Variants in CFAP43 observed in about 807,000 individuals in gnomAD.
CFAP43 encodes cilia and flagella associated protein 43, also known as cilia- and flagella-associated protein 43.
CFAP43 carries 155 observed loss-of-function variants against 218.9 expected under a neutral mutation model. That is an observed-to-expected ratio of 0.71 (90% CI 0.62 to 0.81). CFAP43 has a LOEUF of 0.81. CFAP43 is among the 30% of genes least tolerant of loss of function. CFAP43 has a pLI of 0.00. For synonymous variants in CFAP43, 645 were observed against 681.3 expected, an observed-to-expected ratio of 0.95 and a Z score of 0.83; for missense variants, 1,778 against 1,954.3, an observed-to-expected ratio of 0.91 and a Z score of 1.70.
chr10:104,175,682 T>C (rs1354666594), intron 19 of CFAP43, among the ~76,000 whole-genome samples: 1 of 152,126 alleles, frequency 6.6e-6, no homozygotes, highest in African/African-American at 2.4e-5. Context: ...CTGCCCAACA[T>C]TGTGAGAGAG....
intron 22 of CFAP43, 67 bp downstream of exon 22, chr10:104,167,554 C>A: frequency 2.4e-6 from 3 of 1,252,844 alleles, no homozygotes; most frequent in Non-Finnish European, 3.3e-6. Flanking sequence ...CAACTCAAAC[C>A]TGAACAAAGG....
intron 2 of CFAP43, among the ~76,000 whole-genome samples, chr10:104,228,289 T>C (rs1200269596): frequency 6.6e-6 from 1 of 152,194 alleles, no homozygotes; most frequent in Non-Finnish European, 1.5e-5. Context: ...TTTTTCTTCT[T>C]TCTTCCTCCT....
chr10:104,206,542 T>A (rs1376019723), intron 6 of CFAP43, among the ~76,000 whole-genome samples: 4 of 152,158 alleles, frequency 2.6e-5, no homozygotes, highest in Non-Finnish European at 5.9e-5. Flanking sequence ...GCAGAGCAGT[T>A]CTTGAGCTGG....
intron 7 of CFAP43, among the ~76,000 whole-genome samples, chr10:104,205,021 T>G (rs894687281): frequency 6.6e-6 from 1 of 152,112 alleles, no homozygotes; most frequent in African/African-American, 2.4e-5. Context: ...AAGACCATCC[T>G]GCATAACACG....
intron 37 of CFAP43, among the ~76,000 whole-genome samples, chr10:104,130,788 A>G (rs2087144174): frequency 6.6e-6 from 1 of 152,088 alleles, no homozygotes; most frequent in Non-Finnish European, 1.5e-5. Flanking sequence ...TCTTGAGCTC[A>G]GGAGTTCGAG....
Position 104,130,055 on chromosome 10 carries a change from TAAGA to T in CFAP43, c.*80_*83del. On this transcript the variant is annotated 3_prime_UTR_variant, in exon 38 of 38. Transcript: ENST00000357060. ...AGGACATGCTACTTCAATTTCCCAG[TAAGA>T]AAGAAAAGGAAATCATTTTACCCAA... is the stretch of plus-strand genomic sequence containing the variant. The T allele has an allele frequency of 1.4e-6, 2 of 1,443,710 alleles. No homozygotes were observed. Among genetic ancestry groups the T allele is most frequent in the East Asian group, 4.9e-5 (2 of 41,232 alleles). The allele number at this position is 1,443,710 out of a possible 1,614,324, so 89.4% of individuals were successfully genotyped here. A position where few individuals can be genotyped will look rare whatever the true frequency, so the allele number is the denominator to read the frequency against.
intron 24 of CFAP43, among the ~76,000 whole-genome samples, chr10:104,163,892 G>A (rs1246213259): frequency 1.3e-5 from 2 of 152,234 alleles, no homozygotes; most frequent in East Asian, 3.9e-4. Context: ...CCTGGGCTCA[G>A]TGTCCAAATC....
intron 3 of CFAP43, among the ~76,000 whole-genome samples, chr10:104,216,763 G>A (rs765252172): frequency 6.6e-6 from 1 of 151,996 alleles, no homozygotes; most frequent in Non-Finnish European, 1.5e-5. Context: ...GGTACCAAGT[G>A]GTGGCCAGCA....
At chr10:104,196,800 G>T in intron 10 of CFAP43, 53 bp downstream of exon 10, 1 of 1,414,600 alleles carries the variant, frequency 7.1e-7, no homozygotes, top group Non-Finnish European at 9.8e-7. Context: ...TGAAAAAGTA[G>T]ATTGGATTAG....
intron 12 of CFAP43, among the ~76,000 whole-genome samples, chr10:104,190,256 T>A (rs1369997485): frequency 1.3e-5 from 2 of 149,322 alleles, no homozygotes; most frequent in African/African-American, 2.5e-5. Flanking sequence ...TGCCTGAGCC[T>A]AGGAATTCAA....
chr10:104,231,929 C>A (rs2091459176), intron 1 of CFAP43, among the ~76,000 whole-genome samples: 1 of 149,956 alleles, frequency 6.7e-6, no homozygotes, highest in Admixed American at 6.6e-5. Flanking sequence ...GGGTAAGAGA[C>A]GGAGGGTCAG....
At chr10:104,217,061 G>C (rs1477291278) in intron 3 of CFAP43, among the ~76,000 whole-genome samples, 2 of 152,152 alleles carry the variant, frequency 1.3e-5, no homozygotes. Flanking sequence ...ATTCCCAAAT[G>C]TTTATCTCCA....
chr10:104,192,430 T>G (rs1413447087), intron 11 of CFAP43, 128 bp from the exon 12 acceptor site: 1 of 695,414 alleles, frequency 1.4e-6, no homozygotes, highest in Admixed American at 2.7e-5. Context: ...TTTTTAATAT[T>G]CTCTGACCTT....
At chr10:104,187,532 T>A (rs1183759600) in intron 13 of CFAP43, 40 bp from the exon 14 acceptor site, 1 of 1,447,934 alleles carries the variant, frequency 6.9e-7, no homozygotes, top group Admixed American at 2.7e-5. Context: ...ACTTGTACCA[T>A]AAATTAATTT....
chr10:104,227,798 T>TTCCTGGAA (rs1223667730), intron 2 of CFAP43, among the ~76,000 whole-genome samples: 5 of 150,484 alleles, frequency 3.3e-5, no homozygotes, highest in Admixed American at 1.3e-4. Context: ...GTTCTTCCCC[T>TTCCTGGAA]TCCTGGAATC....
chr10:104,222,066 G>A (rs1201112321), intron 3 of CFAP43, among the ~76,000 whole-genome samples: 1 of 152,098 alleles, frequency 6.6e-6, no homozygotes, highest in African/African-American at 2.4e-5. Context: ...AATCCATTCT[G>A]CTCTTTTAAA....
At chr10:104,162,483 C>T (rs2088931797) in intron 24 of CFAP43, 80 bp from the exon 25 acceptor site, 1 of 1,211,072 alleles carries the variant, frequency 8.3e-7, no homozygotes, top group African/African-American at 1.5e-5. Flanking sequence ...TGGGAGGAGG[C>T]TGGAAGATAC....
At chr10:104,206,982 G>A (rs1425898693) in intron 6 of CFAP43, among the ~76,000 whole-genome samples, 3 of 152,008 alleles carry the variant, frequency 2.0e-5, no homozygotes, top group African/African-American at 4.8e-5. Context: ...AAGATCAGCC[G>A]GGCCAACATG....
intron 2 of CFAP43, among the ~76,000 whole-genome samples, chr10:104,227,009 C>T (rs991771101): frequency 6.6e-6 from 1 of 152,022 alleles, no homozygotes; most frequent in African/African-American, 2.4e-5. Context: ...CAGAGCAAGA[C>T]TCTGTCTCAT....
Sources: gnomAD v4.1 joint callset for allele counts (sites outside exome capture counted in the v4.1 genomes callset) on GRCh38, gnomAD v4.1.1 for gene constraint, MANE v1.5 for transcripts, NCBI Gene and HGNC (gene_info 2026-07-23, HGNC 2026-07-21) for gene names.